SLC4A3: variants seen among roughly 807,000 people sequenced by gnomAD.
The protein encoded by SLC4A3 is anion exchange protein 3.
In SLC4A3, 47 loss-of-function variants were observed where a neutral mutation model predicts 114.2. The ratio of observed to expected loss-of-function variants is 0.41; its 90% CI spans 0.33 to 0.52. The LOEUF (loss-of-function observed/expected upper bound fraction) is 0.52, where lower values mean the gene tolerates loss of function less well. Ranked by LOEUF, SLC4A3 falls within the 20% of genes least tolerant of loss-of-function variation. SLC4A3 has a pLI of 0.21. For missense variants in SLC4A3, 1,312 were observed against 1,668.3 expected (o/e 0.79, Z 3.72); for synonymous variants, 693 against 710.3 (o/e 0.98, Z 0.39).
rs1367245272 is a variant in SLC4A3 at position 219,628,967 on chromosome 2, C to T, written c.218-177C>T. Among the ~76,000 whole-genome samples the T allele has an allele frequency of 6.6e-6, 1 of 152,320 alleles. No homozygotes were observed. Among genetic ancestry groups the T allele is most frequent in the East Asian group, 1.9e-4 (1 of 5,182 alleles). ...CCTGTCCATCCACCCTCTCCTCCCA[C>T]TCCACCAGACCTCATCAATGACAGG... On this transcript the variant is annotated intron_variant, in intron 3 of 22. Coordinates refer to ENST00000358055, the MANE Select transcript of SLC4A3 (RefSeq NM_005070.4). This position sits in a 1 kb window ranked among gnomAD's most constrained non-coding sequence, Gnocchi z 4.8.
intron 8 of SLC4A3, among the ~76,000 whole-genome samples, 197 bp downstream of exon 8, chr2:219,632,639 A>G (rs1292350169): frequency 6.6e-6 from 1 of 152,240 alleles, no homozygotes; most frequent in Non-Finnish European, 1.5e-5. Context: ...CAGTCAGTCA[A>G]CAAATGGCTT....
Position 219,629,311 on chromosome 2 carries a change from GA to G in SLC4A3, c.386del (p.Glu129GlyfsTer141). On this transcript the variant is annotated frameshift_variant, in exon 4 of 23. Coordinates refer to ENST00000358055, the MANE Select transcript of SLC4A3 (RefSeq NM_005070.4). LOFTEE classifies it high-confidence loss of function. ...PSEGTPPIQEEGGAGVDEEEE... is the reference protein window; with the variant it reads ...PSEGTPPIQEXGGAGVDEEEE... ...CGAGGGGACCCCTCCCATCCAGGAGGAGGGGGGAGCTGGAGTGGATGAGGAA... is the reference window on the plus strand; with the variant it reads ...CGAGGGGACCCCTCCCATCCAGGAGGGGGGGGAGCTGGAGTGGATGAGGAA... The G allele has an allele frequency of 6.2e-7, 1 of 1,613,610 alleles. No homozygotes were observed. Among genetic ancestry groups the G allele is most frequent in the Non-Finnish European group, 8.5e-7 (1 of 1,179,750 alleles).
chr2:219,627,892 T>A lies in SLC4A3; in HGVS notation c.-93-8T>A. 19 of 850,034 alleles carry A rather than the reference T, an allele frequency of 2.2e-5. No homozygotes were observed. The highest frequency in any genetic ancestry group is 3.3e-5 in the Non-Finnish European group (18 of 543,864). 52.7% of individuals were successfully genotyped at this position (850,034 alleles called of 1,614,324 possible). ...CGCAAGGAACCTGACCCCGCCCTCCTCCCCCAGGGCTCCCCGCTAGGCCCC... is the reference window on the plus strand; with the variant it reads ...CGCAAGGAACCTGACCCCGCCCTCCACCCCCAGGGCTCCCCGCTAGGCCCC... On this transcript the variant is annotated splice_polypyrimidine_tract_variant and splice_region_variant and intron_variant, in intron 1 of 22. Transcript: ENST00000358055.
intron 5 of SLC4A3, chr2:219,629,935 C>T (rs2106182942): frequency 4.5e-6 from 4 of 893,872 alleles, no homozygotes. Context: ...AGGAGTTCCC[C>T]AGGAGAGAGT....
Position 219,641,589 on chromosome 2 carries a change from T to G in SLC4A3, c.3622-62T>G. The G allele has an allele frequency of 7.5e-7, 1 of 1,340,758 alleles. No homozygotes were observed. Among genetic ancestry groups the G allele is most frequent in the Non-Finnish European group, 1.1e-6 (1 of 933,346 alleles). 83.1% of individuals were successfully genotyped at this position (1,340,758 alleles called of 1,614,324 possible). ...GAGGGCTGCAGGTTGGAGGAGGAGC[T>G]GGAGAATGGGAGGGGACGAGCATGC... On this transcript the variant is annotated intron_variant, in intron 22 of 22. Coordinates refer to ENST00000358055, the MANE Select transcript of SLC4A3 (RefSeq NM_005070.4). The surrounding 1 kb of genome is among the most constrained non-coding windows in gnomAD (Gnocchi z 4.0).
In SLC4A3 at chr2:219,640,869, G is replaced by A. The variant is rs1289276793; in HGVS notation, c.3528G>A (p.Ala1176=). The change falls in exon 22 of 23, where the codon GCG becomes GCA. Residue 1176 remains alanine (A), a synonymous_variant. Coordinates refer to ENST00000358055, the MANE Select transcript of SLC4A3 (RefSeq NM_005070.4). ...TGCTCTGGGTGGTCAAGTCCACGGC[G>A]GCCTCACTCGCCTTTCCCTTCCTGC... ...IALLWVVKST[A]ASLAFPFLLL... The A allele has an allele frequency of 5.0e-6, 8 of 1,612,204 alleles. No homozygotes were observed. The highest frequency in any genetic ancestry group is 2.2e-5 in the East Asian group (1 of 44,868).
In SLC4A3 at chr2:219,641,452, G is replaced by T. The variant is rs1699323516; in HGVS notation, c.3622-199G>T. 6.6e-6 allele frequency among the ~76,000 whole-genome samples: 1 copy of T among 152,182 alleles called. No homozygotes were observed. The highest frequency in any genetic ancestry group is 1.5e-5 in the Non-Finnish European group (1 of 68,028). On this transcript the variant is annotated intron_variant, in intron 22 of 22. Coordinates refer to ENST00000358055, the MANE Select transcript of SLC4A3 (RefSeq NM_005070.4). The surrounding 1 kb of genome is among the most constrained non-coding windows in gnomAD (Gnocchi z 4.0). ...TAATAATCATTATTATTATCACCAG[G>T]AGGGGCCAGGTATCTGGTCTGGGAG... is the stretch of plus-strand genomic sequence containing the variant.
chr2:219,628,111 A>C lies in SLC4A3; in HGVS notation c.51+68A>C. ...AGGGGAGGGACCTTAGGGTGGGCAG[A>C]GGAGTCCTCTGGCCGACCCCGGGAC... is the stretch of plus-strand genomic sequence containing the variant. On this transcript the variant is annotated intron_variant, in intron 2 of 22. Transcript: ENST00000358055. The surrounding 1 kb of genome is among the most constrained non-coding windows in gnomAD (Gnocchi z 4.8). The C allele has an allele frequency of 7.6e-7, 1 of 1,316,546 alleles. No individual in the cohort carries two copies. Among genetic ancestry groups the C allele is most frequent in the Non-Finnish European group, 1.0e-6 (1 of 982,090 alleles). 81.6% of individuals were successfully genotyped at this position (1,316,546 alleles called of 1,614,324 possible). A position where few individuals can be genotyped will look rare whatever the true frequency, so the allele number is the denominator to read the frequency against.
chr2:219,633,396 C>G lies in SLC4A3; in HGVS notation c.1400C>G (p.Thr467Ser). ...PSHGPDGAVP[T>S]MADDLGEPAP... ...CATGGCCCTGATGGGGCGGTGCCTA[C>G]CATGGCTGATGACCTGGGGGAGCCA... The change falls in exon 10 of 23, where the codon ACC becomes AGC. Residue 467 changes from threonine to serine, a missense_variant. This residue lies in a region of SLC4A3 where 771 missense variants were observed against 977.7 expected (regional missense o/e 0.79). Transcript: ENST00000358055. 1 of 1,590,138 alleles carries G rather than the reference C, an allele frequency of 6.3e-7. No individual in the cohort carries two copies. Among genetic ancestry groups the G allele is most frequent in the Non-Finnish European group, 8.6e-7 (1 of 1,166,904 alleles).
In SLC4A3 at chr2:219,638,101, C is replaced by T. The variant is rs1699192949; in HGVS notation, c.2767-63C>T. 7.5e-7 allele frequency: 1 copy of T among 1,339,400 alleles called. No individual in the cohort carries two copies. Among genetic ancestry groups the T allele is most frequent in the Non-Finnish European group, 1.1e-6 (1 of 950,530 alleles). 83.0% of individuals were successfully genotyped at this position (1,339,400 alleles called of 1,614,324 possible). A position where few individuals can be genotyped will look rare whatever the true frequency, so the allele number is the denominator to read the frequency against. On this transcript the variant is annotated intron_variant, in intron 17 of 22. Coordinates refer to ENST00000358055, the MANE Select transcript of SLC4A3 (RefSeq NM_005070.4). This position sits in a 1 kb window ranked among gnomAD's most constrained non-coding sequence, Gnocchi z 7.5. The stretch of plus-strand genomic sequence containing the variant: ...CAGGCAGGGCCAGAGATGGCAAGCC[C>T]CGTGTTAGTCTGCTGACCTTGCCTC...
Position 219,628,838 on chromosome 2 carries a change from TCGTCC to T in SLC4A3, c.217+270_217+274del. 1 of 579,908 alleles carries T rather than the reference TCGTCC, an allele frequency of 1.7e-6. No homozygotes were observed. The highest frequency in any genetic ancestry group is 3.0e-6 in the Non-Finnish European group (1 of 331,942). The allele number at this position is 579,908 out of a possible 1,614,324, so 35.9% of individuals were successfully genotyped here. The stretch of plus-strand genomic sequence containing the variant: ...TCCACGGTGACCTTCCCCTTCCCCT[TCGTCC>T]CCACTCACTCCCTCCTTGTCCCACC... On this transcript the variant is annotated intron_variant, in intron 3 of 22. Coordinates refer to ENST00000358055, the MANE Select transcript of SLC4A3 (RefSeq NM_005070.4). The surrounding 1 kb of genome is among the most constrained non-coding windows in gnomAD (Gnocchi z 4.8).
At position 219,629,056 on chromosome 2, in the gene SLC4A3, G is replaced by C. The variant is rs555557173; in HGVS notation, c.218-88G>C. Reference sequence around the variant, plus strand: ...GAAGGACTAGGGTGCCCTTGTTTGCGGCCTTGAGCTGGAAGGTGTGTGCCC... The same window carrying C: ...GAAGGACTAGGGTGCCCTTGTTTGCCGCCTTGAGCTGGAAGGTGTGTGCCC... On this transcript the variant is annotated intron_variant, in intron 3 of 22. Transcript: ENST00000358055. 8 of 1,448,202 alleles carry C rather than the reference G, an allele frequency of 5.5e-6. No individual in the cohort carries two copies. In the African/African-American group the frequency reaches 8.6e-5, roughly 16 times the overall value. 89.7% of individuals were successfully genotyped at this position (1,448,202 alleles called of 1,614,324 possible). A position where few individuals can be genotyped will look rare whatever the true frequency, so the allele number is the denominator to read the frequency against.
chr2:219,633,591 A>G (rs1250618237), intron 10 of SLC4A3, 134 bp downstream of exon 10: 1 of 883,900 alleles, frequency 1.1e-6, no homozygotes, highest in East Asian at 2.8e-5. Context: ...GGGGACCTAG[A>G]GGAGACCCGC....
In SLC4A3 at chr2:219,633,398, A is replaced by G. The variant is rs777920981; in HGVS notation, c.1402A>G (p.Met468Val). ...TGGCCCTGATGGGGCGGTGCCTACC[A>G]TGGCTGATGACCTGGGGGAGCCAGC... ...SHGPDGAVPT[M>V]ADDLGEPAPL... Residue 468 changes from methionine (M) to valine (V), a missense_variant, in exon 10 of 23, where the codon ATG becomes GTG. Physicochemically the swap from Met to Val is conservative, Grantham distance 21 (BLOSUM62 1). Around this residue, in one of 4 missense-constraint regions of SLC4A3, gnomAD observed 771 missense variants for 977.7 expected, o/e 0.79. Coordinates refer to ENST00000358055, the MANE Select transcript of SLC4A3 (RefSeq NM_005070.4). 1.9e-6 allele frequency: 3 copies of G among 1,587,794 alleles called. No individual in the cohort carries two copies. The highest frequency in any genetic ancestry group is 2.3e-5 in the East Asian group (1 of 44,034).
chr2:219,634,648 G>A, intron 12 of SLC4A3, 44 bp downstream of exon 12: 1 of 1,589,068 alleles, frequency 6.3e-7, no homozygotes, highest in Non-Finnish European at 8.6e-7. Flanking sequence ...CCTAGGCCCT[G>A]CTTACCCCTG....
rs943028998 is a variant in SLC4A3 at position 219,638,940 on chromosome 2, G to T, written c.3023+71G>T. ...CTTGGCTCCTTGGCTTGGTTTCAGG[G>T]TTATAGCAGGGACATCATTATCAGT... On this transcript the variant is annotated intron_variant, in intron 19 of 22. Coordinates refer to ENST00000358055, the MANE Select transcript of SLC4A3 (RefSeq NM_005070.4). The surrounding 1 kb of genome is among the most constrained non-coding windows in gnomAD (Gnocchi z 7.5). 1.3e-6 allele frequency: 2 copies of T among 1,512,180 alleles called. No homozygotes were observed. The highest frequency in any genetic ancestry group is 1.8e-6 in the Non-Finnish European group (2 of 1,105,410). The allele number at this position is 1,512,180 out of a possible 1,614,324, so 93.7% of individuals were successfully genotyped here. A position where few individuals can be genotyped will look rare whatever the true frequency, so the allele number is the denominator to read the frequency against.
In SLC4A3 at chr2:219,637,823, C is replaced by T; in HGVS notation, c.2766+12C>T. The T allele has an allele frequency of 6.3e-7, 1 of 1,596,584 alleles. No homozygotes were observed. The highest frequency in any genetic ancestry group is 8.6e-7 in the Non-Finnish European group (1 of 1,164,222). ...TCCTGGGGGGCAAGGTGCGTGGCTGCTGGGTGTGGAGCCCCCAAGAGTCCC... is the reference window on the plus strand; with the variant it reads ...TCCTGGGGGGCAAGGTGCGTGGCTGTTGGGTGTGGAGCCCCCAAGAGTCCC... On this transcript the variant is annotated intron_variant, in intron 17 of 22. Coordinates refer to ENST00000358055, the MANE Select transcript of SLC4A3 (RefSeq NM_005070.4). The surrounding 1 kb of genome is among the most constrained non-coding windows in gnomAD (Gnocchi z 4.6).
intron 9 of SLC4A3, 99 bp downstream of exon 9, chr2:219,633,108 C>T: frequency 2.7e-6 from 4 of 1,468,716 alleles, no homozygotes; most frequent in Non-Finnish European, 3.7e-6. Context: ...TTGAATGCCA[C>T]AAGTGACAGA....
Position 219,635,814 on chromosome 2 carries a change from A to G in SLC4A3, c.2114A>G (p.His705Arg). The G allele has an allele frequency of 6.3e-7, 1 of 1,590,978 alleles. No individual in the cohort carries two copies. Among genetic ancestry groups the G allele is most frequent in the Non-Finnish European group, 8.5e-7 (1 of 1,170,152 alleles). The change falls in exon 14 of 23, where the codon CAC becomes CGC. Residue 705 changes from histidine (H) to arginine (R), a missense_variant. His to Arg is a conservative substitution (Grantham distance 29). This residue lies in a region of SLC4A3 where 771 missense variants were observed against 977.7 expected (regional missense o/e 0.79). Transcript: ENST00000358055. ...HYPSDLRDALHSQCVAAVLFI... is the reference protein window; with the variant it reads ...HYPSDLRDALRSQCVAAVLFI... The stretch of plus-strand genomic sequence containing the variant: ...CCCAGTGACCTGCGAGATGCGCTGC[A>G]CTCCCAGTGTGTGGCCGCTGTGCTC...
Sources: gnomAD v4.1 joint callset for allele counts (sites outside exome capture counted in the v4.1 genomes callset) on GRCh38, gnomAD v4.1.1 for gene constraint, gnomAD v4.1.1 regional missense constraint, Gnocchi (gnomAD v3.1) non-coding constraint, MANE v1.5 for transcripts, NCBI Gene and HGNC (gene_info 2026-07-23, HGNC 2026-07-21) for gene names.